The following IL1RAPL2 variants were observed in gnomAD, a reference collection of about 807,000 sequenced individuals.
The protein encoded by IL1RAPL2 is interleukin 1 receptor accessory protein like 2.
IL1RAPL2 carries 3 observed loss-of-function variants against 44.1 expected under a neutral mutation model. The observed-to-expected ratio is 0.07, with a 90% CI of 0.03 to 0.18. The LOEUF (loss-of-function observed/expected upper bound fraction) is 0.18. Ranked by LOEUF, IL1RAPL2 falls within the 10% of genes least tolerant of loss-of-function variation. The probability of loss-of-function intolerance (pLI) is 1.00; values close to 1 mark genes in which losing one functional copy is unlikely to be tolerated. For missense variants in IL1RAPL2, 391 were observed against 496.4 expected (o/e 0.79, Z 2.02); for synonymous variants, 181 against 178.8 (o/e 1.01, Z -0.10).
chrX:105,564,711 C>T lies in IL1RAPL2; in HGVS notation c.772+80324C>T, dbSNP rs780006169. 3.6e-5 allele frequency among the ~76,000 whole-genome samples: 4 copies of T among 111,963 alleles called. No individual in the cohort carries two copies. In the East Asian group the frequency reaches 1.1e-3, roughly 32 times the overall value. On this transcript the variant is annotated intron_variant, in intron 6 of 10. Transcript: ENST00000372582. ...CATTGCTTGTCTTACACTGTAGCCT[C>T]TGTGTGGTGTAGAAAAGCCAGGATG...
chrX:105,074,098 A>G (rs922138868), intron 2 of IL1RAPL2, among the ~76,000 whole-genome samples: 4 of 111,507 alleles, frequency 3.6e-5, no homozygotes, highest in African/African-American at 9.8e-5. Context: ...TTGGTGTTTT[A>G]GACATGAAGT....
At chrX:105,633,396 C>A (rs936155214) in intron 6 of IL1RAPL2, among the ~76,000 whole-genome samples, 1 of 111,516 alleles carries the variant, frequency 9.0e-6, no homozygotes, top group Non-Finnish European at 1.9e-5. Context: ...TAATTATCAT[C>A]TTTGTTGAGT....
Position 105,129,644 on chromosome X carries a change from A to T in IL1RAPL2, c.83-65831A>T, listed in dbSNP as rs759464887. 3.6e-5 allele frequency among the ~76,000 whole-genome samples: 4 copies of T among 110,865 alleles called. No homozygotes were observed. The Admixed American group carries it at 3.8e-4, about 11-fold the overall frequency. On this transcript the variant is annotated intron_variant, in intron 2 of 10. Coordinates refer to ENST00000372582, the MANE Select transcript of IL1RAPL2 (RefSeq NM_017416.2). Reference sequence around the variant, plus strand: ...CTGCTAATATCTGGAACCAGGAGGTATCTCAAATGATATATCATCTAATTT... The same window carrying T: ...CTGCTAATATCTGGAACCAGGAGGTTTCTCAAATGATATATCATCTAATTT...
intron 2 of IL1RAPL2, among the ~76,000 whole-genome samples, chrX:104,894,730 A>G (rs189666701): frequency 1.8e-5 from 2 of 111,946 alleles, no homozygotes; most frequent in Admixed American, 9.4e-5. Context: ...AATGGTTTCA[A>G]ACTTCCTCCT....
At chrX:105,004,767 G>A (rs1294067503) in intron 2 of IL1RAPL2, among the ~76,000 whole-genome samples, 5 of 110,649 alleles carry the variant, frequency 4.5e-5, no homozygotes, top group Admixed American at 2.9e-4. Flanking sequence ...GTGGTACCTC[G>A]ATACTGATGT....
At chrX:105,247,806 C>T (rs1156939671) in intron 4 of IL1RAPL2, among the ~76,000 whole-genome samples, 1 of 110,113 alleles carries the variant, frequency 9.1e-6, no homozygotes, top group Non-Finnish European at 1.9e-5. Flanking sequence ...TTTTCTTCCT[C>T]TCTCTCTCCC....
intron 5 of IL1RAPL2, among the ~76,000 whole-genome samples, chrX:105,334,937 AG>A (rs1448953574): frequency 5.4e-5 from 6 of 111,451 alleles, no homozygotes; most frequent in Non-Finnish European, 1.1e-4. Context: ...TTTTATATAG[AG>A]GTTTTTTTTT....
At chrX:104,820,380 C>T (rs777496716) in intron 2 of IL1RAPL2, among the ~76,000 whole-genome samples, 1 of 111,757 alleles carries the variant, frequency 8.9e-6, no homozygotes, top group South Asian at 3.8e-4. Flanking sequence ...CCATATTTTG[C>T]TTGGTCTAGC....
chrX:105,221,398 C>T lies in IL1RAPL2; in HGVS notation c.357-12420C>T, dbSNP rs781816330. Among the ~76,000 whole-genome samples, 10 of 92,894 alleles carry T rather than the reference C, an allele frequency of 1.1e-4. No individual in the cohort carries two copies. The South Asian group carries it at 5.6e-3, about 52-fold the overall frequency. The allele number at this position is 92,894 out of a possible 115,157, so 80.7% of individuals were successfully genotyped here. The stretch of plus-strand genomic sequence containing the variant: ...AGACAACGTTAACAGTTTGTTTACA[C>T]ATAAACAACAACCAAAAAAAAAAAA... On this transcript the variant is annotated intron_variant, in intron 3 of 10. Coordinates refer to ENST00000372582, the MANE Select transcript of IL1RAPL2 (RefSeq NM_017416.2).
intron 4 of IL1RAPL2, among the ~76,000 whole-genome samples, chrX:105,243,826 A>T (rs2034196588): frequency 9.1e-6 from 1 of 110,140 alleles, no homozygotes; most frequent in African/African-American, 3.3e-5. Flanking sequence ...TGCCTATTTT[A>T]CCTGAGGGCC....
At chrX:105,389,423 C>T (rs778988176) in intron 5 of IL1RAPL2, among the ~76,000 whole-genome samples, 8 of 111,936 alleles carry the variant, frequency 7.1e-5, no homozygotes, top group African/African-American at 2.3e-4. Context: ...AATTACCGAA[C>T]GCTACTGGTT....
chrX:105,639,407 C>T (rs1401011541), intron 6 of IL1RAPL2, among the ~76,000 whole-genome samples: 3 of 111,185 alleles, frequency 2.7e-5, no homozygotes, highest in East Asian at 2.8e-4. Context: ...TGAAATCAGG[C>T]ACAAGTAAGA....
At chrX:104,686,672 AC>A (rs1183702773) in intron 2 of IL1RAPL2, among the ~76,000 whole-genome samples, 3 of 111,676 alleles carry the variant, frequency 2.7e-5, no homozygotes, top group Non-Finnish European at 3.8e-5. Flanking sequence ...TTTCCCCAAC[AC>A]TTTATCTCTG....
intron 5 of IL1RAPL2, among the ~76,000 whole-genome samples, chrX:105,381,452 T>G (rs1363373856): frequency 2.7e-5 from 3 of 111,648 alleles, no homozygotes; most frequent in African/African-American, 9.8e-5. Flanking sequence ...TACATTCATG[T>G]GGATAAAGTA....
intron 5 of IL1RAPL2, among the ~76,000 whole-genome samples, chrX:105,401,228 A>G (rs1002578021): frequency 9.0e-6 from 1 of 111,447 alleles, no homozygotes; most frequent in South Asian, 3.7e-4. Flanking sequence ...AACATTCAAA[A>G]TATAGCAATC....
chrX:104,923,161 A>G (rs1396375203), intron 2 of IL1RAPL2, among the ~76,000 whole-genome samples: 1 of 112,066 alleles, frequency 8.9e-6, no homozygotes, highest in Non-Finnish European at 1.9e-5. Context: ...GATTATGTAA[A>G]GTGACCAAAC....
intron 6 of IL1RAPL2, among the ~76,000 whole-genome samples, chrX:105,713,574 A>G (rs888840210): frequency 1.8e-5 from 2 of 111,406 alleles, no homozygotes; most frequent in Admixed American, 1.9e-4. Context: ...ACACATGGCA[A>G]TTACAATTTG....
chrX:104,782,768 A>AG (rs1159481188), intron 2 of IL1RAPL2, among the ~76,000 whole-genome samples: 1 of 111,804 alleles, frequency 8.9e-6, no homozygotes, highest in Non-Finnish European at 1.9e-5. Flanking sequence ...TCTGTGTCTC[A>AG]GTGTGCATAA....
chrX:105,219,020 G>T (rs781908901), intron 3 of IL1RAPL2: 4 of 1,211,253 alleles, frequency 3.3e-6, no homozygotes, highest in Non-Finnish European at 4.5e-6. Flanking sequence ...GTATCCCTCC[G>T]TGAAAAATTC....
Sources: allele counts gnomAD v4.1 joint callset (sites outside exome capture counted in the v4.1 genomes callset), GRCh38; gene constraint gnomAD v4.1.1; transcripts MANE v1.5; gene names NCBI Gene and HGNC (gene_info 2026-07-23, HGNC 2026-07-21).